The following CCNG1 variants were observed in gnomAD, a reference collection of about 807,000 sequenced individuals.
CCNG1 encodes the protein cyclin-G1.
Under a neutral mutation model 30.0 loss-of-function variants are expected in CCNG1, and 13 were observed. That is an observed-to-expected ratio of 0.43 (90% CI 0.28 to 0.69). CCNG1 has a LOEUF of 0.69. CCNG1 is among the 30% of genes least tolerant of loss of function. The pLI, the probability that CCNG1 is intolerant of heterozygous loss-of-function variation, is 0.16. For missense variants in CCNG1, 285 were observed against 331.4 expected, an observed-to-expected ratio of 0.86 and a Z score of 1.09; for synonymous variants, 110 against 121.5, an observed-to-expected ratio of 0.91 and a Z score of 0.62.
chr5:163,439,227 C>T (rs1192021889), intron 1 of CCNG1, 30 bp from the exon 2 acceptor site: 6 of 1,598,194 alleles, frequency 3.8e-6, no homozygotes, highest in Non-Finnish European at 5.1e-6. Context: ...TACTCTTACA[C>T]TCCTTGCTGG....
At chr5:163,446,838 A>C (rs747060257), downstream of CCNG1, 1 of 151,930 alleles carries the variant, frequency 6.6e-6, no homozygotes, top group Non-Finnish European at 1.5e-5. Flanking sequence ...AACATGGTGA[A>C]ACCCCATCTC....
the CCNG1 span, among the ~76,000 whole-genome samples, chr5:163,457,239 C>T: frequency 0.27 from 41,020 of 151,182 alleles, 5,713 homozygotes; most frequent in East Asian, 0.5. Flanking sequence ...TCAAGTGATT[C>T]TCCTGCCTCA....
chr5:163,446,934 G>T (rs1758051703), downstream of CCNG1: 2 of 152,188 alleles, frequency 1.3e-5, no homozygotes, highest in African/African-American at 4.8e-5. Context: ...AGAATTGCTT[G>T]AACCTGTGAG....
At chr5:163,449,701 G>A (rs1381916547), downstream of CCNG1, 1 of 152,108 alleles carries the variant, frequency 6.6e-6, no homozygotes, top group Admixed American at 6.6e-5. Context: ...AAGGCAATCT[G>A]GTATTTATGA....
chr5:163,439,171 C>G, intron 1 of CCNG1, 86 bp from the exon 2 acceptor site: 2 of 1,183,918 alleles, frequency 1.7e-6, no homozygotes, highest in Non-Finnish European at 2.4e-6. Context: ...GCTTATAAAT[C>G]ATTTCTTGGC....
chr5:163,439,651 C>T (rs944252233), intron 2 of CCNG1, 131 bp downstream of exon 2: 6 of 684,710 alleles, frequency 8.8e-6, no homozygotes, highest in African/African-American at 1.8e-5. Context: ...ATTTTGTCTA[C>T]TACAGCATTA....
intron 3 of CCNG1, 144 bp downstream of exon 3, chr5:163,441,475 A>G (rs1021752287): frequency 2.7e-6 from 2 of 732,054 alleles, no homozygotes; most frequent in East Asian, 2.8e-5. Flanking sequence ...AATGTCCATC[A>G]TAAGTGAGAA....
chr5:163,451,060 T>C (rs1041561756), downstream of CCNG1: 1 of 152,200 alleles, frequency 6.6e-6, no homozygotes, highest in Admixed American at 6.5e-5. Flanking sequence ...TATGATTCCA[T>C]GTACATGAAA....
chr5:163,455,943 C>T, the CCNG1 span, among the ~76,000 whole-genome samples: 1 of 152,078 alleles, frequency 6.6e-6, no homozygotes, highest in East Asian at 1.9e-4. Flanking sequence ...TTTCCTAATA[C>T]ATTGGATAGG....
the CCNG1 span, among the ~76,000 whole-genome samples, chr5:163,455,766 T>G: frequency 1.3e-5 from 2 of 150,096 alleles, no homozygotes; most frequent in African/African-American, 4.9e-5. Flanking sequence ...CTGCTCTAAC[T>G]GCTATTTTGA....
Position 163,443,741 on chromosome 5 carries a change from T to C in CCNG1, c.*71T>C. ...CAACCTTGTTCTATGGATTCCATAA[T>C]GTTACAATGGATTTAAGCTATGAAG... On this transcript the variant is annotated 3_prime_UTR_variant, in exon 7 of 7. Coordinates refer to ENST00000340828, the MANE Select transcript of CCNG1 (RefSeq NM_004060.4). 6.6e-7 allele frequency: 1 copy of C among 1,520,924 alleles called. No individual in the cohort carries two copies. Among genetic ancestry groups the C allele is most frequent in the South Asian group, 1.2e-5 (1 of 83,044 alleles). The allele number at this position is 1,520,924 out of a possible 1,614,324, so 94.2% of individuals were successfully genotyped here.
intron 1 of CCNG1, among the ~76,000 whole-genome samples, chr5:163,438,765 C>A (rs906914326): frequency 6.6e-6 from 1 of 151,826 alleles, no homozygotes; most frequent in Non-Finnish European, 1.5e-5. Context: ...CGGTGGCTCA[C>A]GCCTGTAATC....
downstream of CCNG1, chr5:163,450,618 C>T (rs534165883): frequency 2.6e-5 from 4 of 152,240 alleles, no homozygotes; most frequent in African/African-American, 9.6e-5. Context: ...AGATAGAGAT[C>T]CCATTTCATA....
rs1377377682 is a variant in CCNG1 at position 163,444,265 on chromosome 5, T to TTA, written c.*600_*601dup. On this transcript the variant is annotated 3_prime_UTR_variant, in exon 7 of 7. Coordinates refer to ENST00000340828, the MANE Select transcript of CCNG1 (RefSeq NM_004060.4). Reference sequence around the variant, plus strand: ...AATTACATTTAAATTTGAGGGCATTTTATATAAAGAAAAATACAGACCTAT... The same window carrying TTA: ...AATTACATTTAAATTTGAGGGCATTTTATATATAAAGAAAAATACAGACCTAT... The TTA allele has an allele frequency of 6.6e-6, 1 of 152,644 alleles. No individual in the cohort carries two copies. The highest frequency in any genetic ancestry group is 2.4e-5 in the African/African-American group (1 of 41,454). 9.5% of individuals were successfully genotyped at this position (152,644 alleles called of 1,614,324 possible).
downstream of CCNG1, chr5:163,445,844 T>G (rs1167417838): frequency 6.6e-6 from 1 of 152,148 alleles, no homozygotes; most frequent in East Asian, 1.9e-4. Context: ...TATTAATCCC[T>G]TTTATCACTT....
At chr5:163,453,926 C>A in the CCNG1 span, 2 of 1,118,502 alleles carry the variant, frequency 1.8e-6, no homozygotes, top group Non-Finnish European at 2.6e-6. Context: ...ATTAAGTTGG[C>A]AATATCTGCT....
At chr5:163,448,481 AAAT>A (rs1378044005), downstream of CCNG1, 3 of 152,278 alleles carry the variant, frequency 2.0e-5, no homozygotes, top group East Asian at 5.8e-4. Flanking sequence ...ACCCAAACTT[AAAT>A]AAACCTCAAT....
downstream of CCNG1, chr5:163,449,886 C>T (rs1003920442): frequency 6.6e-6 from 1 of 152,138 alleles, no homozygotes; most frequent in Non-Finnish European, 1.5e-5. Context: ...CTAAATTTCA[C>T]AGCTTATACA....
chr5:163,454,469 G>A, the CCNG1 span, among the ~76,000 whole-genome samples: 1 of 152,102 alleles, frequency 6.6e-6, no homozygotes, highest in Admixed American at 6.5e-5. Flanking sequence ...AGCCTCCCGA[G>A]TAGCTGCGAT....
Sources: allele counts gnomAD v4.1 joint callset (sites outside exome capture counted in the v4.1 genomes callset), GRCh38; gene constraint gnomAD v4.1.1; transcripts MANE v1.5; gene names NCBI Gene and HGNC (gene_info 2026-07-23, HGNC 2026-07-21).